The following PXDN variants were observed in gnomAD, a reference collection of about 807,000 sequenced individuals.
The protein encoded by PXDN is peroxidasin.
In PXDN, 77 loss-of-function variants were observed where a neutral mutation model predicts 140.3. The ratio of observed to expected loss-of-function variants is 0.55; its 90% confidence interval spans 0.46 to 0.66. The LOEUF (loss-of-function observed/expected upper bound fraction) is 0.66. Among genes scored for constraint, PXDN ranks in the 30% least tolerant of loss-of-function variants. The pLI is 0.00. For synonymous variants in PXDN, 911 were observed against 857.4 expected, an observed-to-expected ratio of 1.06 and a Z score of -1.09; for missense variants, 1,838 against 2,039.5, an observed-to-expected ratio of 0.90 and a Z score of 1.90.
At chr2:1,678,037 T>C (rs992567757) in intron 7 of PXDN, among the ~76,000 whole-genome samples, 4 of 152,142 alleles carry the variant, frequency 2.6e-5, no homozygotes, top group African/African-American at 7.2e-5. Context: ...TCCTCCAGGA[T>C]TGCCTCCTTC....
At chr2:1,686,224 G>A (rs1180992257) in intron 4 of PXDN, among the ~76,000 whole-genome samples, 1 of 152,184 alleles carries the variant, frequency 6.6e-6, no homozygotes, top group African/African-American at 2.4e-5. Flanking sequence ...CCCGAGGGCG[G>A]GGCTCGGGCT....
intron 11 of PXDN, chr2:1,663,994 G>C (rs530263186): frequency 2.5e-4 from 139 of 552,982 alleles, no homozygotes; most frequent in African/African-American, 1.8e-3. Context: ...AGAGAACAGA[G>C]GGAAAAGCAC....
intron 19 of PXDN, among the ~76,000 whole-genome samples, chr2:1,640,264 A>G (rs758451285): frequency 6.6e-6 from 1 of 152,242 alleles, no homozygotes; most frequent in Non-Finnish European, 1.5e-5. Flanking sequence ...TGTCTTGTAC[A>G]TCATCCCCAC....
At chr2:1,679,823 T>TGTGTGTAAATGGTGTGTGTGTAAATG (rs1683836570) in intron 7 of PXDN, among the ~76,000 whole-genome samples, 1 of 110,164 alleles carries the variant, frequency 9.1e-6, no homozygotes, top group African/African-American at 2.9e-5. Context: ...GTGTAAATGG[T>TGTGTGTAAATGGTGTGTGTGTAAATG]GTGTGTGTGG....
rs764318907 is a variant in PXDN, at chr2:1,649,000, C to T, written c.2780G>A (p.Arg927His). 1.9e-5 allele frequency: 30 copies of T among 1,611,970 alleles called. 1 individual carries two copies. The South Asian group carries it at 2.7e-4, about 15-fold the overall frequency. The part of the protein sequence containing the change: ...GSTEHEARSI[R>H]DLASHRGLLR... ...CAGGCCGCGGTGGCTGGCCAGGTCG[C>T]GGATGCTGCGGGCCTCATGCTCCGT... The change falls in exon 17 of 23, where the codon CGC (arginine) becomes CAC (histidine). Residue 927 changes from arginine (R) to histidine (H), a missense_variant. By Grantham distance (29) the Arg-to-His change is conservative. Coordinates refer to ENST00000252804, the MANE Select transcript of PXDN (RefSeq NM_012293.3). This position sits in a 1 kb window ranked among gnomAD's most constrained non-coding sequence, Gnocchi z 8.9.
intron 1 of PXDN, among the ~76,000 whole-genome samples, chr2:1,727,222 G>A (rs370568469): frequency 1.2e-4 from 18 of 152,070 alleles, no homozygotes; most frequent in African/African-American, 3.1e-4. Context: ...AACCGCCACC[G>A]CCCCGTCACA....
intron 14 of PXDN, among the ~76,000 whole-genome samples, chr2:1,655,400 C>T (rs751121878): frequency 2.0e-4 from 31 of 151,718 alleles, no homozygotes; most frequent in Admixed American, 3.3e-4. Context: ...ACACACCACA[C>T]ACATCACATT....
At chr2:1,739,909 G>C (rs1284317391) in intron 1 of PXDN, among the ~76,000 whole-genome samples, 1 of 152,250 alleles carries the variant, frequency 6.6e-6, no homozygotes, top group Non-Finnish European at 1.5e-5. Context: ...CTTTGACTCT[G>C]TTGTGCCAAC....
chr2:1,638,796 G>A (rs1372561357), intron 21 of PXDN, 50 bp downstream of exon 21: 1 of 1,612,112 alleles, frequency 6.2e-7, no homozygotes, highest in Admixed American at 1.7e-5. Flanking sequence ...GCAGGGCTGT[G>A]CTGCTGTGGA....
At chr2:1,712,983 C>T (rs1684817810) in intron 1 of PXDN, among the ~76,000 whole-genome samples, 1 of 152,164 alleles carries the variant, frequency 6.6e-6, no homozygotes, top group African/African-American at 2.4e-5. Flanking sequence ...CCTTGGCCTC[C>T]CAAAGTGCTG....
Position 1,653,716 on chromosome 2 carries a change from C to A in PXDN, c.2016G>T (p.Gln672His). ...RYPRDPYTVE[Q>H]ARAGEIFERT... ...GTTCAAAGATTTCTCCCGCCCGTGC[C>A]TGTTCAACTGTGTAAGGATCCCTCG... Residue 672 changes from glutamine (Q) to histidine (H), a missense_variant, in exon 16 of 23, where the codon CAG becomes CAT. Around this residue, in one of 5 missense-constraint regions of PXDN, gnomAD observed 537 missense variants for 583.9 expected, o/e 0.92. Transcript: ENST00000252804. The A allele has an allele frequency of 1.2e-6, 2 of 1,603,912 alleles. No individual in the cohort carries two copies. Among genetic ancestry groups the A allele is most frequent in the Non-Finnish European group, 1.7e-6 (2 of 1,175,264 alleles).
intron 14 of PXDN, among the ~76,000 whole-genome samples, chr2:1,655,021 C>CG (rs1179769520): frequency 6.6e-6 from 1 of 151,992 alleles, no homozygotes; most frequent in Non-Finnish European, 1.5e-5. Flanking sequence ...ACTCCCTCCT[C>CG]ACACACACCA....
intron 12 of PXDN, 102 bp from the exon 13 acceptor site, chr2:1,662,286 C>T: frequency 2.0e-6 from 2 of 990,798 alleles, no homozygotes; most frequent in Non-Finnish European, 3.1e-6. Flanking sequence ...CTCAGGGATG[C>T]TGGGAGCTCA....
At chr2:1,702,865 GA>G (rs1190113080) in intron 1 of PXDN, among the ~76,000 whole-genome samples, 2 of 152,168 alleles carry the variant, frequency 1.3e-5, no homozygotes, top group Non-Finnish European at 2.9e-5. Context: ...GACCTCAGGT[GA>G]TCCACGCACC....
chr2:1,674,959 A>C (rs569774150), intron 8 of PXDN, among the ~76,000 whole-genome samples: 1 of 152,204 alleles, frequency 6.6e-6, no homozygotes, highest in Non-Finnish European at 1.5e-5. Context: ...CTTCCCCATG[A>C]CCGCCCTCAG....
intron 16 of PXDN, 121 bp downstream of exon 16, chr2:1,653,507 G>A: frequency 7.4e-7 from 1 of 1,359,922 alleles, no homozygotes; most frequent in Admixed American, 2.0e-5. Flanking sequence ...TAATTTCACA[G>A]TTCATAAGCA....
chr2:1,724,020 G>C (rs879777228), intron 1 of PXDN, among the ~76,000 whole-genome samples: 3 of 152,208 alleles, frequency 2.0e-5, no homozygotes, highest in Non-Finnish European at 4.4e-5. Flanking sequence ...AAGGAAGCTT[G>C]GCTATGACTA....
chr2:1,665,172 C>A, intron 10 of PXDN, 98 bp from the exon 11 acceptor site: 1 of 865,670 alleles, frequency 1.2e-6, no homozygotes, highest in Non-Finnish European at 1.9e-6. Context: ...GACGTCTGAC[C>A]ATTAGGAGCA....
intron 7 of PXDN, among the ~76,000 whole-genome samples, chr2:1,679,348 G>T (rs1202143064): frequency 6.7e-6 from 1 of 149,980 alleles, no homozygotes; most frequent in Non-Finnish European, 1.5e-5. Flanking sequence ...GTGTGTGTGT[G>T]TATGTGCGTG....
Sources: gnomAD v4.1 joint callset for allele counts (sites outside exome capture counted in the v4.1 genomes callset) on GRCh38, gnomAD v4.1.1 for gene constraint, gnomAD v4.1.1 regional missense constraint, Gnocchi (gnomAD v3.1) non-coding constraint, MANE v1.5 for transcripts, NCBI Gene and HGNC (gene_info 2026-07-23, HGNC 2026-07-21) for gene names.